Variants in CBLN2 observed in about 807,000 individuals in gnomAD.
CBLN2 encodes cerebellin 2 precursor.
A neutral mutation model predicts 15.0 loss-of-function variants in CBLN2; 7 were observed. The observed-to-expected ratio is 0.47, with a 90% CI of 0.27 to 0.88. The LOEUF is 0.88. Ranked by LOEUF, CBLN2 falls within the 40% of genes least tolerant of loss-of-function variation. The pLI is 0.14. For synonymous variants in CBLN2, 149 were observed against 135.2 expected (o/e 1.10, Z -0.71); for missense variants, 242 against 304.5 (o/e 0.79, Z 1.53).
intron 1 of CBLN2, among the ~76,000 whole-genome samples, chr18:72,562,767 T>C (rs1445167989): frequency 1.3e-5 from 2 of 152,230 alleles, no homozygotes; most frequent in Non-Finnish European, 2.9e-5. Context: ...AGGTTTGATG[T>C]TATGTAAAAA....
chr18:72,607,305 C>T (rs1357549874), intron 1 of CBLN2, among the ~76,000 whole-genome samples: 1 of 152,194 alleles, frequency 6.6e-6, no homozygotes, highest in African/African-American at 2.4e-5. Flanking sequence ...CCATCCTTAG[C>T]AGATGCACAC....
intron 1 of CBLN2, among the ~76,000 whole-genome samples, chr18:72,553,854 C>G (rs984752394): frequency 6.6e-6 from 1 of 152,204 alleles, no homozygotes; most frequent in Non-Finnish European, 1.5e-5. Context: ...GTTATAAACT[C>G]TGATCAAAGA....
intron 1 of CBLN2, among the ~76,000 whole-genome samples, chr18:72,586,783 A>G (rs1473087145): frequency 6.6e-6 from 1 of 152,252 alleles, no homozygotes; most frequent in Non-Finnish European, 1.5e-5. Context: ...TTAACTATCT[A>G]AGAGAATTCT....
At chr18:72,565,854 ACAAT>A (rs1555702456) in intron 1 of CBLN2, among the ~76,000 whole-genome samples, 1 of 152,224 alleles carries the variant, frequency 6.6e-6, no homozygotes, top group Non-Finnish European at 1.5e-5. Context: ...AGCAGAGGAA[ACAAT>A]CAATAGAGAA....
chr18:72,563,916 C>T (rs1381780422), intron 1 of CBLN2, among the ~76,000 whole-genome samples: 1 of 152,210 alleles, frequency 6.6e-6, no homozygotes, highest in Non-Finnish European at 1.5e-5. Context: ...TACTGAGGCA[C>T]TCACAGGCAT....
At chr18:72,539,936 TG>T (rs1386836094) in intron 3 of CBLN2, 1 of 152,236 alleles carries the variant, frequency 6.6e-6, no homozygotes, top group Non-Finnish European at 1.5e-5. Flanking sequence ...TCATTATAGA[TG>T]AATAACATGC....
At chr18:72,637,290 A>ATT (rs2069820012) in intron 1 of CBLN2, among the ~76,000 whole-genome samples, 1 of 152,106 alleles carries the variant, frequency 6.6e-6, no homozygotes, top group African/African-American at 2.4e-5. Flanking sequence ...GCAAAAAAAA[A>ATT]AAATGGCCCT....
At chr18:72,605,045 C>T (rs550714552) in intron 1 of CBLN2, among the ~76,000 whole-genome samples, 5 of 152,164 alleles carry the variant, frequency 3.3e-5, no homozygotes, top group Non-Finnish European at 5.9e-5. Flanking sequence ...AATGTCCCTC[C>T]ATTTTGTATC....
In CBLN2 at chr18:72,637,952, T is replaced by A. The variant is rs535103961; in HGVS notation, c.15+373A>T. On this transcript the variant is annotated intron_variant, in intron 1 of 2. Transcript: ENST00000581073. ...AGGAGCCAGCCGCTGAGACGAGACT[T>A]GAAGGATACGACGGAGCAGAATGTG... 5.9e-5 allele frequency among the ~76,000 whole-genome samples: 9 copies of A among 152,284 alleles called. No homozygotes were observed. In the South Asian group the frequency reaches 1.2e-3, roughly 21 times the overall value.
intron 1 of CBLN2, among the ~76,000 whole-genome samples, chr18:72,601,833 A>T (rs1300282808): frequency 6.6e-6 from 1 of 152,138 alleles, no homozygotes; most frequent in East Asian, 1.9e-4. Flanking sequence ...ACTCTTTTGT[A>T]CAATAAACCT....
intron 1 of CBLN2, among the ~76,000 whole-genome samples, chr18:72,607,790 T>C (rs1160738791): frequency 6.6e-6 from 1 of 152,086 alleles, no homozygotes; most frequent in Admixed American, 6.6e-5. Context: ...AGATTTTGAA[T>C]TCCATTTTTG....
At chr18:72,610,720 C>T (rs966448412) in intron 1 of CBLN2, among the ~76,000 whole-genome samples, 1 of 152,138 alleles carries the variant, frequency 6.6e-6, no homozygotes, top group Non-Finnish European at 1.5e-5. Context: ...GTAAACCTGG[C>T]TTAAACCATC....
At chr18:72,546,867 CT>C (rs907537745), upstream of CBLN2, among the ~76,000 whole-genome samples, 1 of 152,088 alleles carries the variant, frequency 6.6e-6, no homozygotes, top group African/African-American at 2.4e-5. Flanking sequence ...AAATATCTGT[CT>C]CTCATGGAAC....
At chr18:72,595,137 G>A (rs2069504833) in intron 1 of CBLN2, among the ~76,000 whole-genome samples, 1 of 151,354 alleles carries the variant, frequency 6.6e-6, no homozygotes, top group South Asian at 2.1e-4. Context: ...TTTATTTGAA[G>A]TTTACTCCTT....
At chr18:72,563,957 C>T (rs936481434) in intron 1 of CBLN2, among the ~76,000 whole-genome samples, 9 of 152,302 alleles carry the variant, frequency 5.9e-5, no homozygotes, top group Middle Eastern at 3.4e-3. Context: ...CATTCTATGA[C>T]GTTCTAAAGA....
At chr18:72,575,663 G>A (rs2069361565) in intron 1 of CBLN2, among the ~76,000 whole-genome samples, 1 of 152,152 alleles carries the variant, frequency 6.6e-6, no homozygotes, top group Admixed American at 6.5e-5. Context: ...GTCCATAGGA[G>A]CCAGAGGATG....
intron 1 of CBLN2, among the ~76,000 whole-genome samples, chr18:72,611,736 C>T (rs2069624046): frequency 6.6e-6 from 1 of 152,136 alleles, no homozygotes; most frequent in African/African-American, 2.4e-5. Flanking sequence ...GGCAGAAGCT[C>T]TTTAGTTTAA....
chr18:72,618,010 G>C (rs1335464758), intron 1 of CBLN2, among the ~76,000 whole-genome samples: 1 of 152,182 alleles, frequency 6.6e-6, no homozygotes, highest in Non-Finnish European at 1.5e-5. Flanking sequence ...AATTTTGGCT[G>C]TTATGGTTAA....
chr18:72,571,695 G>A (rs1392078172), intron 1 of CBLN2, among the ~76,000 whole-genome samples: 1 of 152,172 alleles, frequency 6.6e-6, no homozygotes, highest in Non-Finnish European at 1.5e-5. Flanking sequence ...AACCTATTCA[G>A]TTATACAGGG....
Sources: allele counts gnomAD v4.1 joint callset (sites outside exome capture counted in the v4.1 genomes callset), GRCh38; gene constraint gnomAD v4.1.1; transcripts MANE v1.5; gene names NCBI Gene and HGNC (gene_info 2026-07-23, HGNC 2026-07-21).